The following SUPT3H variants were observed in gnomAD, a reference collection of about 807,000 sequenced individuals.
SUPT3H encodes transcription initiation protein SPT3 homolog.
SUPT3H carries 44 observed loss-of-function variants against 44.3 expected under a neutral mutation model. The ratio of observed to expected loss-of-function variants is 0.99; its 90% CI spans 0.78 to 1.28. The LOEUF is 1.28. SUPT3H is among the 50% of genes most tolerant of loss of function. The probability of loss-of-function intolerance (pLI) is 0.00; values close to 1 mark genes in which losing one functional copy is unlikely to be tolerated. For synonymous variants in SUPT3H, 124 were observed against 125.6 expected (o/e 0.99, Z 0.09); for missense variants, 380 against 387.1 (o/e 0.98, Z 0.15).
intron 3 of SUPT3H, among the ~76,000 whole-genome samples, chr6:45,100,854 T>C (rs1005771648): frequency 2.0e-5 from 3 of 152,080 alleles, no homozygotes; most frequent in Non-Finnish European, 2.9e-5. Flanking sequence ...TGGGTCCACA[T>C]ACAAAGGAAA....
chr6:45,124,827 G>T (rs1487567101), intron 2 of SUPT3H, among the ~76,000 whole-genome samples: 6 of 152,016 alleles, frequency 3.9e-5, no homozygotes, highest in Non-Finnish European at 8.8e-5. Context: ...TAGAAATAGG[G>T]TCTTTACAGA....
chr6:45,101,679 T>TA, intron 3 of SUPT3H, among the ~76,000 whole-genome samples: 1 of 152,160 alleles, frequency 6.6e-6, no homozygotes, highest in African/African-American at 2.4e-5. Context: ...CATAAATGTT[T>TA]AAGGTAACGA....
At chr6:45,280,748 G>T (rs1431536151) in intron 2 of SUPT3H, among the ~76,000 whole-genome samples, 1 of 152,146 alleles carries the variant, frequency 6.6e-6, no homozygotes, top group Non-Finnish European at 1.5e-5. Context: ...GCTTCACCTA[G>T]AGTGGTAACC....
At chr6:45,369,978 G>A (rs1795783578) in intron 1 of SUPT3H, among the ~76,000 whole-genome samples, 1 of 152,138 alleles carries the variant, frequency 6.6e-6, no homozygotes, top group South Asian at 2.1e-4. Context: ...TAGCAAGAGG[G>A]CAGATCTTAT....
At chr6:45,143,594 T>C (rs1241247317) in intron 2 of SUPT3H, among the ~76,000 whole-genome samples, 2 of 152,002 alleles carry the variant, frequency 1.3e-5, no homozygotes, top group Non-Finnish European at 2.9e-5. Flanking sequence ...CTACATCAAA[T>C]AGTCTGAAAG....
intron 2 of SUPT3H, among the ~76,000 whole-genome samples, chr6:45,333,140 T>C (rs915610391): frequency 6.6e-6 from 1 of 151,734 alleles, no homozygotes; most frequent in Non-Finnish European, 1.5e-5. Context: ...AAAAGAAGTC[T>C]CACATAATGA....
chr6:45,200,296 G>T (rs1762279062), intron 2 of SUPT3H, among the ~76,000 whole-genome samples: 1 of 151,196 alleles, frequency 6.6e-6, no homozygotes, highest in South Asian at 2.1e-4. Context: ...AATATTGTTT[G>T]TATAACTGCC....
intron 7 of SUPT3H, 91 bp downstream of exon 7, chr6:44,961,662 A>T: frequency 1.9e-6 from 2 of 1,055,172 alleles, no homozygotes; most frequent in Non-Finnish European, 2.9e-6. Context: ...AAATCCACCA[A>T]TTTCTAAGAA....
At chr6:45,029,650 T>C (rs1358597375) in intron 3 of SUPT3H, among the ~76,000 whole-genome samples, 1 of 152,178 alleles carries the variant, frequency 6.6e-6, no homozygotes, top group Non-Finnish European at 1.5e-5. Flanking sequence ...TATATCTAAG[T>C]TTTGAATGTA....
At chr6:44,982,706 T>TAA (rs1257011113) in intron 6 of SUPT3H, among the ~76,000 whole-genome samples, 1 of 152,220 alleles carries the variant, frequency 6.6e-6, no homozygotes, top group Non-Finnish European at 1.5e-5. Flanking sequence ...AGAAGAATTT[T>TAA]TTGCTGATTT....
chr6:44,881,107 T>C lies in SUPT3H; in HGVS notation c.913-51250A>G, dbSNP rs138302313. ...CAATTAAAAGACACAGACTGGCACA[T>C]TGGATAAGACCCATTGGTGTGGTGT... is the stretch of plus-strand genomic sequence containing the variant. On this transcript the variant is annotated intron_variant, in intron 10 of 10. Transcript: ENST00000371459. Among the ~76,000 whole-genome samples the C allele has an allele frequency of 5.7e-3, 866 of 152,150 alleles. 4 individuals are homozygous for C. The highest frequency in any genetic ancestry group is 0.019 in the African/African-American group (773 of 41,492).
At chr6:44,940,562 G>C (rs1028207400) in intron 9 of SUPT3H, among the ~76,000 whole-genome samples, 19 of 152,058 alleles carry the variant, frequency 1.2e-4, no homozygotes, top group African/African-American at 4.3e-4. Context: ...TTGGTCTAAA[G>C]TCCAATTTAA....
At chr6:45,022,407 G>A (rs1033485386) in intron 3 of SUPT3H, among the ~76,000 whole-genome samples, 3 of 107,824 alleles carry the variant, frequency 2.8e-5, no homozygotes, top group Admixed American at 1.2e-4. Flanking sequence ...TGAACATTTG[G>A]AATCACTGTT....
intron 2 of SUPT3H, among the ~76,000 whole-genome samples, chr6:45,256,329 C>A (rs1340240332): frequency 6.6e-6 from 1 of 152,154 alleles, no homozygotes; most frequent in Non-Finnish European, 1.5e-5. Context: ...AACCAAGACA[C>A]CAGTACATTC....
At chr6:44,885,857 G>C (rs1169368227) in intron 10 of SUPT3H, among the ~76,000 whole-genome samples, 1 of 152,004 alleles carries the variant, frequency 6.6e-6, no homozygotes, top group African/African-American at 2.4e-5. Context: ...CAAAGAAGGT[G>C]AAAACTTTGA....
chr6:44,972,602 C>A (rs1186245972), intron 6 of SUPT3H, among the ~76,000 whole-genome samples: 1 of 152,210 alleles, frequency 6.6e-6, no homozygotes. Context: ...GTGGTGGCTC[C>A]AACCCCACAT....
chr6:45,016,328 TTTTTTTTATTTA>T (rs1784265149), intron 4 of SUPT3H, among the ~76,000 whole-genome samples: 1 of 150,918 alleles, frequency 6.6e-6, no homozygotes, highest in Non-Finnish European at 1.5e-5. Context: ...TTTTTTAAAT[TTTTTTTTATTTA>T]TTTTTTTATT....
chr6:44,817,332 T>G (rs1207051990), intron 11 of SUPT3H, among the ~76,000 whole-genome samples: 1 of 151,788 alleles, frequency 6.6e-6, no homozygotes, highest in African/African-American at 2.4e-5. Flanking sequence ...AAAAGGAAAC[T>G]TCCTTAATGT....
chr6:45,250,741 C>T (rs911473961), intron 2 of SUPT3H, among the ~76,000 whole-genome samples: 1 of 151,230 alleles, frequency 6.6e-6, no homozygotes, highest in Admixed American at 6.6e-5. Context: ...TTTCAGAACA[C>T]AACAGAAAAA....
Sources: gnomAD v4.1 joint callset for allele counts (sites outside exome capture counted in the v4.1 genomes callset) on GRCh38, gnomAD v4.1.1 for gene constraint, MANE v1.5 for transcripts, NCBI Gene and HGNC (gene_info 2026-07-23, HGNC 2026-07-21) for gene names.